CISTR: variants seen among roughly 807,000 people sequenced by gnomAD.
CISTR encodes chondrogenesis-associated transcript, also known as chondrogenic regulator lncRNA.
exon 3 of CISTR, among the ~76,000 whole-genome samples, chr12:53,746,408 A>G (rs1047770352): frequency 3.3e-5 from 5 of 152,176 alleles, no homozygotes; most frequent in Non-Finnish European, 5.9e-5. Flanking sequence ...CCCTGCGCAG[A>G]GAACCAAGAA....
chr12:53,753,065 CACACACACACACACACACACACACAG>C (rs1937875523), intron 1 of CISTR, among the ~76,000 whole-genome samples: 1 of 121,858 alleles, frequency 8.2e-6, no homozygotes, highest in African/African-American at 2.9e-5. Flanking sequence ...CACACACACA[CACACACACACACACACACACACACAG>C]AGAGAGACAC....
chr12:53,755,125 G>T (rs918260817), intron 1 of CISTR, among the ~76,000 whole-genome samples: 1 of 152,224 alleles, frequency 6.6e-6, no homozygotes, highest in African/African-American at 2.4e-5. Flanking sequence ...CTTGAGCAGG[G>T]CATTTGCCAA....
At chr12:53,748,660 C>T (rs1489261848) in intron 2 of CISTR, among the ~76,000 whole-genome samples, 1 of 152,128 alleles carries the variant, frequency 6.6e-6, no homozygotes, top group Non-Finnish European at 1.5e-5. Flanking sequence ...ATGAGAAGGT[C>T]CCAGGCCCAG....
rs1937910785 is a variant in CISTR at position 53,756,037 on chromosome 12, C to T, written n.414+777G>A. On this transcript the variant is annotated intron_variant and non_coding_transcript_variant, in intron 1 of 2. Coordinates refer to ENST00000669269, the Ensembl canonical transcript of CISTR. The surrounding 1 kb of genome is among the most constrained non-coding windows in gnomAD (Gnocchi z 4.0). ...AGCCTGGTCTGTGAAGTTAGCCTGCCCCCAGCTCCCTGGCTTGGTGGAGGG... is the reference window on the plus strand; with the variant it reads ...AGCCTGGTCTGTGAAGTTAGCCTGCTCCCAGCTCCCTGGCTTGGTGGAGGG... 6.6e-6 allele frequency: 1 copy of T among 152,174 alleles called. No homozygotes were observed. Among genetic ancestry groups the T allele is most frequent in the Non-Finnish European group, 1.5e-5 (1 of 68,018 alleles). 9.4% of individuals were successfully genotyped at this position (152,174 alleles called of 1,614,324 possible).
At chr12:53,752,945 G>A (rs1181250677) in intron 1 of CISTR, among the ~76,000 whole-genome samples, 1 of 151,984 alleles carries the variant, frequency 6.6e-6, no homozygotes, top group Non-Finnish European at 1.5e-5. Flanking sequence ...GTGTCCTCTT[G>A]GGGGCTGCAG....
At position 53,751,718 on chromosome 12, in the gene CISTR, G is replaced by T. The variant is rs1937854119; in HGVS notation, n.415-753C>A. The T allele has an allele frequency of 6.6e-6, 1 of 152,004 alleles. No homozygotes were observed. Among genetic ancestry groups the T allele is most frequent in the Admixed American group, 6.6e-5 (1 of 15,262 alleles). The allele number at this position is 152,004 out of a possible 1,614,324, so 9.4% of individuals were successfully genotyped here. ...GGGCGTCCCGGGGCGAGGGCAGCGG[G>T]CCGGTTCCCGCCCGCCCGGGGCCGC... On this transcript the variant is annotated intron_variant and non_coding_transcript_variant, in intron 1 of 2. Coordinates refer to ENST00000669269, the Ensembl canonical transcript of CISTR. The surrounding 1 kb of genome is among the most constrained non-coding windows in gnomAD (Gnocchi z 4.6).
chr12:53,748,485 GAC>G (rs1240891220), intron 2 of CISTR, among the ~76,000 whole-genome samples: 2 of 152,184 alleles, frequency 1.3e-5, no homozygotes, highest in Non-Finnish European at 2.9e-5. Context: ...AGGGAACAGA[GAC>G]ACTGCCGAGT....
chr12:53,747,992 G>A (rs1484815684), intron 2 of CISTR, among the ~76,000 whole-genome samples: 1 of 152,172 alleles, frequency 6.6e-6, no homozygotes, highest in Non-Finnish European at 1.5e-5. Flanking sequence ...CTCTTAGAAT[G>A]TACAAGACAT....
intron 2 of CISTR, among the ~76,000 whole-genome samples, chr12:53,747,253 C>T (rs1313359496): frequency 6.6e-6 from 1 of 152,128 alleles, no homozygotes. Context: ...GATGGATTGG[C>T]AGGAGCCAGG....
At chr12:53,750,626 T>A (rs1937837704) in exon 2 of CISTR, 1 of 152,846 alleles carries the variant, frequency 6.5e-6, no homozygotes, top group Non-Finnish European at 1.5e-5. Flanking sequence ...TCCAGGTGGC[T>A]TTGTGCCATG....
At chr12:53,752,789 G>A (rs1227050707) in intron 1 of CISTR, among the ~76,000 whole-genome samples, 1 of 152,194 alleles carries the variant, frequency 6.6e-6, no homozygotes. Flanking sequence ...AGGGAGGACC[G>A]GGATTGGACT....
At chr12:53,754,840 A>G (rs1350719528) in intron 1 of CISTR, among the ~76,000 whole-genome samples, 1 of 152,172 alleles carries the variant, frequency 6.6e-6, no homozygotes, top group Non-Finnish European at 1.5e-5. Flanking sequence ...TTTCAGCACT[A>G]AAAGGATCTG....
chr12:53,746,923 G>A (rs147386939), intron 2 of CISTR, among the ~76,000 whole-genome samples: 79 of 152,346 alleles, frequency 5.2e-4, no homozygotes, highest in African/African-American at 1.9e-3. Context: ...AGTTTCCCTA[G>A]TTTTGGAGGC....
At chr12:53,753,665 G>GT (rs1555168386) in intron 1 of CISTR, among the ~76,000 whole-genome samples, 1 of 141,224 alleles carries the variant, frequency 7.1e-6, no homozygotes, top group Non-Finnish European at 1.5e-5. Context: ...AATGCATAGG[G>GT]GTGTGTGTGT....
chr12:53,748,720 G>GCCAGGA (rs1937810159), intron 2 of CISTR, among the ~76,000 whole-genome samples: 4 of 151,888 alleles, frequency 2.6e-5, no homozygotes, highest in Admixed American at 2.0e-4. Context: ...CTGACCCAGG[G>GCCAGGA]CCAGGACCAG....
intron 1 of CISTR, among the ~76,000 whole-genome samples, chr12:53,753,276 G>A (rs1018157656): frequency 7.2e-5 from 11 of 152,304 alleles, no homozygotes; most frequent in Admixed American, 7.2e-4. Flanking sequence ...GAGATCCAGA[G>A]GGAGGAGCAC....
intron 1 of CISTR, chr12:53,754,285 T>A (rs1255344560): frequency 6.6e-6 from 1 of 152,182 alleles, no homozygotes; most frequent in African/African-American, 2.4e-5. Flanking sequence ...ATTTCACAGA[T>A]GAGGCTACAC....
rs549688043 is a variant in CISTR, at chr12:53,748,165, G to T, written n.1064-1317C>A. Among the ~76,000 whole-genome samples the T allele has an allele frequency of 3.3e-5, 5 of 152,262 alleles. No individual in the cohort carries two copies. In the South Asian group the frequency reaches 1.0e-3, roughly 32 times the overall value. On this transcript the variant is annotated intron_variant and non_coding_transcript_variant, in intron 2 of 2. Transcript: ENST00000669269. ...TCCATTTGGAGTGTGGAGAATGTTC[G>T]ATGAGGAGGAGAATGCTGCAGTCAG...
chr12:53,754,844 G>A (rs1433681088), intron 1 of CISTR, among the ~76,000 whole-genome samples: 1 of 152,216 alleles, frequency 6.6e-6, no homozygotes, highest in East Asian at 1.9e-4. Flanking sequence ...AGCACTAAAA[G>A]GATCTGTTTA....
Sources: gnomAD v4.1 joint callset for allele counts (sites outside exome capture counted in the v4.1 genomes callset) on GRCh38, gnomAD v4.1.1 for gene constraint, Gnocchi (gnomAD v3.1) non-coding constraint, MANE v1.5 for transcripts, NCBI Gene and HGNC (gene_info 2026-07-23, HGNC 2026-07-21) for gene names.